The following PNPLA7 variants were observed in gnomAD, a reference collection of about 807,000 sequenced individuals.
PNPLA7 encodes the protein patatin-like phospholipase domain-containing protein 7.
PNPLA7 carries 153 observed loss-of-function variants against 161.7 expected under a neutral mutation model. That is an observed-to-expected ratio of 0.95 (90% CI 0.83 to 1.08). The LOEUF is 1.08. Among genes scored for constraint, PNPLA7 ranks in the 50% least tolerant of loss-of-function variants. The pLI is 0.00. For missense variants in PNPLA7, 1,739 were observed against 1,856.6 expected (o/e 0.94, Z 1.16); for synonymous variants, 809 against 782.1 (o/e 1.03, Z -0.57).
intron 12 of PNPLA7, chr9:137,509,236 G>A (rs1314116693): frequency 1.3e-5 from 2 of 156,048 alleles, no homozygotes; most frequent in African/African-American, 4.8e-5. Context: ...GAGTTTAGCT[G>A]GCGTGAATTT....
intron 15 of PNPLA7, among the ~76,000 whole-genome samples, chr9:137,501,246 C>T (rs1435810689): frequency 6.6e-6 from 1 of 152,212 alleles, no homozygotes; most frequent in Non-Finnish European, 1.5e-5. Flanking sequence ...TGGGGCCTGG[C>T]CTCTGAGGGG....
chr9:137,535,934 C>T (rs527895835), intron 8 of PNPLA7, among the ~76,000 whole-genome samples: 4 of 151,904 alleles, frequency 2.6e-5, no homozygotes, highest in Admixed American at 6.6e-5. Context: ...GGGCAGATCA[C>T]GAGGTCAGGA....
At chr9:137,539,708 A>AT (rs1836085875) in intron 8 of PNPLA7, among the ~76,000 whole-genome samples, 1 of 152,204 alleles carries the variant, frequency 6.6e-6, no homozygotes, top group Non-Finnish European at 1.5e-5. Flanking sequence ...TGATTTTACT[A>AT]TTTTTGCACA....
At chr9:137,479,953 C>T (rs554634643) in intron 23 of PNPLA7, 1,120 of 937,902 alleles carry the variant, frequency 1.2e-3, no homozygotes, top group Non-Finnish European at 1.4e-3. Flanking sequence ...ACAGGAACGA[C>T]GCCGACACCT....
At chr9:137,539,688 G>C (rs781064092) in intron 8 of PNPLA7, among the ~76,000 whole-genome samples, 1 of 152,174 alleles carries the variant, frequency 6.6e-6, no homozygotes, top group Non-Finnish European at 1.5e-5. Context: ...TTAATGTTGG[G>C]CACATGGGGT....
At chr9:137,501,533 C>T (rs116506516) in intron 15 of PNPLA7, 117 bp downstream of exon 15, 36,786 of 988,978 alleles carry the variant, frequency 0.037, 1,242 homozygotes, top group Admixed American at 0.13. Context: ...GGCAGTGGCC[C>T]GGTGCTGGGA....
At chr9:137,515,794 T>C (rs1588656368) in intron 11 of PNPLA7, among the ~76,000 whole-genome samples, 1 of 37,486 alleles carries the variant, frequency 2.7e-5, no homozygotes, top group South Asian at 1.0e-3. Context: ...CCCATCCCCC[T>C]TCCCCCAAAT....
At position 137,467,279 on chromosome 9, in the gene PNPLA7, G is replaced by A. The variant is rs2132080797; in HGVS notation, c.3039+38C>T. 6.3e-7 allele frequency: 1 copy of A among 1,582,962 alleles called. No homozygotes were observed. Among genetic ancestry groups the A allele is most frequent in the Non-Finnish European group, 8.6e-7 (1 of 1,163,328 alleles). ...TCCCCCAGCACCAGCAAGGACCTGG[G>A]GGCTGTGCTCCGGTGAGGGTGATGG... On this transcript the variant is annotated intron_variant, in intron 26 of 34. Transcript: ENST00000406427. This position sits in a 1 kb window ranked among gnomAD's most constrained non-coding sequence, Gnocchi z 5.1.
In PNPLA7 at chr9:137,506,807, G is replaced by A. The variant is rs189489662; in HGVS notation, c.1226-724C>T. ...GATTCTGAGGAAGGGTGCACGCTTTGCACGACGGGGTCACGCACTTCCAGG... is the reference window on the plus strand; with the variant it reads ...GATTCTGAGGAAGGGTGCACGCTTTACACGACGGGGTCACGCACTTCCAGG... On this transcript the variant is annotated intron_variant, in intron 12 of 34. Coordinates refer to ENST00000406427, the MANE Select transcript of PNPLA7 (RefSeq NM_001098537.3). Among the ~76,000 whole-genome samples the A allele has an allele frequency of 7.2e-5, 11 of 152,366 alleles. No individual in the cohort carries two copies. In the East Asian group the frequency reaches 2.1e-3, roughly 29 times the overall value.
At chr9:137,481,901 A>T (rs1054594644) in intron 21 of PNPLA7, among the ~76,000 whole-genome samples, 3 of 152,156 alleles carry the variant, frequency 2.0e-5, no homozygotes, top group African/African-American at 7.2e-5. Flanking sequence ...GCGCCACTGC[A>T]CTCCAGCCTG....
intron 4 of PNPLA7, among the ~76,000 whole-genome samples, chr9:137,545,709 A>G (rs1394142774): frequency 2.6e-5 from 4 of 152,226 alleles, no homozygotes; most frequent in Non-Finnish European, 5.9e-5. Context: ...CCTAGGAAAA[A>G]CCAGGCCATA....
Position 137,497,304 on chromosome 9 carries a change from C to T in PNPLA7, c.1896G>A (p.Gly632=). ...TGATGTACGTGCAGTCGGACTTGTC[C>T]CCCTGCCTGCGGAAGACACAGAGGC... The part of the protein sequence containing the change: ...VEAGRAIYRQ[G]DKSDCTYIML... Residue 632 remains glycine (G), a synonymous_variant, in exon 18 of 35, where the codon GGG becomes GGA. Transcript: ENST00000406427. The T allele has an allele frequency of 6.4e-7, 1 of 1,567,502 alleles. No individual in the cohort carries two copies. The highest frequency in any genetic ancestry group is 8.6e-7 in the Non-Finnish European group (1 of 1,157,024).
At position 137,460,110 on chromosome 9, in the gene PNPLA7, AG is replaced by A; in HGVS notation, c.*282del. 1 of 344,486 alleles carries A rather than the reference AG, an allele frequency of 2.9e-6. No individual in the cohort carries two copies. Among genetic ancestry groups the A allele is most frequent in the East Asian group, 6.0e-5 (1 of 16,532 alleles). The allele number at this position is 344,486 out of a possible 1,614,324, so 21.3% of individuals were successfully genotyped here. ...TTCACAGGGCTTCGGGGGGCCTCAC[AG>A]GGCTTCGGGGGGCCTCACAGGGCTG... is the stretch of plus-strand genomic sequence containing the variant. On this transcript the variant is annotated 3_prime_UTR_variant, in exon 35 of 35. Transcript: ENST00000406427.
At chr9:137,544,483 C>G (rs1280446015) in intron 4 of PNPLA7, among the ~76,000 whole-genome samples, 1 of 152,232 alleles carries the variant, frequency 6.6e-6, no homozygotes, top group African/African-American at 2.4e-5. Flanking sequence ...TCCAGACCAC[C>G]CTACGCCCTG....
At chr9:137,477,320 A>C (rs1831985865) in intron 25 of PNPLA7, among the ~76,000 whole-genome samples, 1 of 152,138 alleles carries the variant, frequency 6.6e-6, no homozygotes, top group Non-Finnish European at 1.5e-5. Context: ...TCCCTGAAGG[A>C]CTCAGTTTGG....
intron 14 of PNPLA7, among the ~76,000 whole-genome samples, chr9:137,505,412 G>A (rs1393109068): frequency 6.6e-6 from 1 of 152,172 alleles, no homozygotes; most frequent in Non-Finnish European, 1.5e-5. Context: ...GAAAGCTTCG[G>A]CTTTGAGTTT....
At chr9:137,502,480 G>A (rs1308531999) in intron 14 of PNPLA7, among the ~76,000 whole-genome samples, 1 of 149,132 alleles carries the variant, frequency 6.7e-6, no homozygotes, top group Non-Finnish European at 1.5e-5. Flanking sequence ...CAAACAGGAG[G>A]GAGAAAGAGA....
chr9:137,513,018 C>T (rs1009340219), intron 12 of PNPLA7, among the ~76,000 whole-genome samples: 5 of 151,166 alleles, frequency 3.3e-5, no homozygotes, highest in African/African-American at 1.2e-4. Flanking sequence ...ATTCAGATAC[C>T]TGATGCCCGA....
chr9:137,517,935 C>T (rs1412370656), intron 11 of PNPLA7, among the ~76,000 whole-genome samples: 3 of 89,642 alleles, frequency 3.3e-5, no homozygotes, highest in African/African-American at 5.4e-5. Flanking sequence ...TCCACTCTGT[C>T]CACTCCATCC....
Sources: allele counts gnomAD v4.1 joint callset (sites outside exome capture counted in the v4.1 genomes callset), GRCh38; gene constraint gnomAD v4.1.1; non-coding constraint Gnocchi (gnomAD v3.1); transcripts MANE v1.5; gene names NCBI Gene and HGNC (gene_info 2026-07-23, HGNC 2026-07-21).